Variants in NRCAM observed in about 807,000 individuals in gnomAD.
NRCAM encodes neuronal cell adhesion molecule.
In NRCAM, 83 loss-of-function variants were observed where a neutral mutation model predicts 156.5. The observed-to-expected ratio is 0.53, with a 90% CI of 0.44 to 0.64. The LOEUF is 0.64. NRCAM is among the 30% of genes least tolerant of loss of function. The pLI, the probability that NRCAM is intolerant of heterozygous loss-of-function variation, is 0.00. For missense variants in NRCAM, 1,417 were observed against 1,597.3 expected (o/e 0.89, Z 1.92); for synonymous variants, 538 against 563.9 (o/e 0.95, Z 0.65).
intron 3 of NRCAM, among the ~76,000 whole-genome samples, chr7:108,251,190 T>C (rs1590034038): frequency 1.3e-5 from 2 of 152,022 alleles, no homozygotes; most frequent in East Asian, 3.9e-4. Context: ...GAAAGAAATA[T>C]GGGGAGTAAG....
intron 1 of NRCAM, among the ~76,000 whole-genome samples, chr7:108,412,511 TAATA>T (rs1196501146): frequency 6.6e-6 from 1 of 152,218 alleles, no homozygotes; most frequent in Non-Finnish European, 1.5e-5. Context: ...TAAATCAAGC[TAATA>T]AATATATGCA....
intron 3 of NRCAM, among the ~76,000 whole-genome samples, chr7:108,310,863 A>C (rs1466070912): frequency 1.3e-5 from 2 of 152,230 alleles, no homozygotes; most frequent in Non-Finnish European, 2.9e-5. Flanking sequence ...AAGGCTAGCC[A>C]GAAAGACCAA....
intron 2 of NRCAM, among the ~76,000 whole-genome samples, chr7:108,374,418 T>C (rs1165222681): frequency 6.6e-5 from 1 of 15,144 alleles, no homozygotes; most frequent in Non-Finnish European, 1.0e-4. Context: ...GCAAAGCACC[T>C]AAGGTTTAAT....
Position 108,425,416 on chromosome 7 carries a change from T to C in NRCAM, c.-331-25823A>G, listed in dbSNP as rs538021658. Among the ~76,000 whole-genome samples, 32 of 152,310 alleles carry C rather than the reference T, an allele frequency of 2.1e-4. No homozygotes were observed. The East Asian group carries it at 5.8e-3, about 28-fold the overall frequency. On this transcript the variant is annotated intron_variant, in intron 1 of 32. Transcript: ENST00000379028. The stretch of plus-strand genomic sequence containing the variant: ...CCTATGACTCTGCAAAGTGGGAATC[T>C]GGCCCCAGAAGAGATGATACATGTG...
chr7:108,314,944 G>A (rs2098879303), intron 2 of NRCAM, among the ~76,000 whole-genome samples: 1 of 151,976 alleles, frequency 6.6e-6, no homozygotes, highest in African/African-American at 2.4e-5. Context: ...TCTAAAAACT[G>A]GCCTCCTTAA....
At chr7:108,219,144 C>T (rs2091087036) in intron 11 of NRCAM, among the ~76,000 whole-genome samples, 1 of 152,084 alleles carries the variant, frequency 6.6e-6, no homozygotes, top group East Asian at 1.9e-4. Flanking sequence ...ATACAACCCT[C>T]CTAGCTTAAA....
chr7:108,361,146 T>G (rs1334014208), intron 2 of NRCAM, among the ~76,000 whole-genome samples: 2 of 152,206 alleles, frequency 1.3e-5, no homozygotes, highest in Non-Finnish European at 2.9e-5. Flanking sequence ...GTGCTCAATA[T>G]CATTTGTTTT....
intron 3 of NRCAM, among the ~76,000 whole-genome samples, chr7:108,254,619 C>T (rs982991862): frequency 3.5e-5 from 5 of 144,618 alleles, no homozygotes; most frequent in African/African-American, 1.1e-4. Context: ...GTGATCTCAG[C>T]TAAGGGCAAC....
chr7:108,388,192 C>T (rs1419544331), intron 2 of NRCAM, among the ~76,000 whole-genome samples: 1 of 152,130 alleles, frequency 6.6e-6, no homozygotes, highest in East Asian at 1.9e-4. Context: ...AAAAGTGTTC[C>T]TATTTCTCCA....
At chr7:108,202,576 A>T (rs530019594) in intron 13 of NRCAM, among the ~76,000 whole-genome samples, 11 of 152,316 alleles carry the variant, frequency 7.2e-5, no homozygotes, top group African/African-American at 2.6e-4. Context: ...CTGGGAGAAG[A>T]GTTAAATTTC....
intron 2 of NRCAM, among the ~76,000 whole-genome samples, chr7:108,344,503 T>C (rs2099330039): frequency 6.6e-6 from 1 of 150,548 alleles, no homozygotes; most frequent in African/African-American, 2.4e-5. Flanking sequence ...AAAAAACCCC[T>C]GCAAAAACCA....
intron 1 of NRCAM, among the ~76,000 whole-genome samples, chr7:108,413,626 G>A (rs1035237022): frequency 4.6e-5 from 7 of 151,998 alleles, no homozygotes; most frequent in Non-Finnish European, 1.0e-4. Context: ...TACATATTTA[G>A]TCTAAATTGG....
At chr7:108,353,575 C>T (rs1008908952) in intron 2 of NRCAM, among the ~76,000 whole-genome samples, 1 of 152,160 alleles carries the variant, frequency 6.6e-6, no homozygotes, top group Non-Finnish European at 1.5e-5. Context: ...CCCGCTTCAA[C>T]CTTCTGAAGT....
At chr7:108,278,524 T>C (rs551233750) in intron 3 of NRCAM, among the ~76,000 whole-genome samples, 103 of 152,318 alleles carry the variant, frequency 6.8e-4, no homozygotes, top group Non-Finnish European at 1.3e-3. Flanking sequence ...GCTGCTGCAC[T>C]AGCAGTGAGC....
intron 32 of NRCAM, chr7:108,156,196 A>G (rs2045359740): frequency 1.7e-6 from 1 of 572,462 alleles, no homozygotes; most frequent in African/African-American, 2.0e-5. Flanking sequence ...TCTTGGCATC[A>G]TTCAAGCCTT....
rs140908137 is a variant in NRCAM, at chr7:108,270,294, T to A, written c.-106-30124A>T. ...GCTTTAGGGTTTGCCATAAGAAAAC[T>A]ACCTAGTGATGCCTTTGCATGGTCC... On this transcript the variant is annotated intron_variant, in intron 3 of 32. Coordinates refer to ENST00000379028, the MANE Select transcript of NRCAM (RefSeq NM_001037132.4). Among the ~76,000 whole-genome samples the A allele has an allele frequency of 3.3e-3, 502 of 152,306 alleles. 4 individuals carry two copies. Among genetic ancestry groups the A allele is most frequent in the Non-Finnish European group, 4.0e-3 (272 of 68,014 alleles).
intron 2 of NRCAM, among the ~76,000 whole-genome samples, chr7:108,320,254 C>G (rs931681806): frequency 6.6e-6 from 1 of 151,990 alleles, no homozygotes; most frequent in Non-Finnish European, 1.5e-5. Flanking sequence ...GAGTTCAAGA[C>G]CAGCCTGGGC....
intron 12 of NRCAM, among the ~76,000 whole-genome samples, chr7:108,208,233 G>A (rs956345359): frequency 6.6e-6 from 1 of 152,020 alleles, no homozygotes; most frequent in African/African-American, 2.4e-5. Context: ...TTGAACCCGG[G>A]AGGTGGAGGT....
At chr7:108,163,339 G>C (rs1209406220) in intron 30 of NRCAM, among the ~76,000 whole-genome samples, 2 of 152,134 alleles carry the variant, frequency 1.3e-5, no homozygotes, top group African/African-American at 4.8e-5. Flanking sequence ...GGATATCTGT[G>C]CTCTGTGGTA....
Sources: allele counts gnomAD v4.1 joint callset (sites outside exome capture counted in the v4.1 genomes callset), GRCh38; gene constraint gnomAD v4.1.1; transcripts MANE v1.5; gene names NCBI Gene and HGNC (gene_info 2026-07-23, HGNC 2026-07-21).